The following ABHD17B variants were observed in gnomAD, a reference collection of about 807,000 sequenced individuals.
The protein encoded by ABHD17B is alpha/beta hydrolase domain-containing protein 17B.
A neutral mutation model predicts 26.2 loss-of-function variants in ABHD17B; 9 were observed. The observed-to-expected ratio is 0.34, with a 90% confidence interval of 0.21 to 0.60. ABHD17B has a LOEUF of 0.60. ABHD17B is among the 20% of genes least tolerant of loss of function. The probability of loss-of-function intolerance (pLI) is 0.80; values close to 1 mark genes in which losing one functional copy is unlikely to be tolerated. For missense variants in ABHD17B, 224 were observed against 352.1 expected, an observed-to-expected ratio of 0.64 and a Z score of 2.91; for synonymous variants, 127 against 122.3, an observed-to-expected ratio of 1.04 and a Z score of -0.25.
intron 1 of ABHD17B, among the ~76,000 whole-genome samples, chr9:71,886,515 T>C (rs1426159120): frequency 6.6e-6 from 1 of 152,094 alleles, no homozygotes; most frequent in Non-Finnish European, 1.5e-5. Context: ...TTCTATCTTA[T>C]CTGGGCATGC....
In ABHD17B at chr9:71,866,637, C is replaced by A. The variant is rs956815248; in HGVS notation, c.*150G>T. On this transcript the variant is annotated 3_prime_UTR_variant, in exon 4 of 4. Transcript: ENST00000333421. ...CAGTTTTTAGTTCTGGTAATTAAAA[C>A]CTTCATTAAGTCTGTTAACAAATCA... 1.4e-5 allele frequency: 20 copies of A among 1,441,174 alleles called. No homozygotes were observed. The highest frequency in any genetic ancestry group is 2.5e-4 in the Middle Eastern group (1 of 4,024). 89.3% of individuals were successfully genotyped at this position (1,441,174 alleles called of 1,614,324 possible).
At chr9:71,907,574 C>T (rs1827322890) in intron 1 of ABHD17B, among the ~76,000 whole-genome samples, 1 of 152,082 alleles carries the variant, frequency 6.6e-6, no homozygotes, top group Non-Finnish European at 1.5e-5. Flanking sequence ...TGCAATGGTG[C>T]TATCTTGGCT....
At chr9:71,890,307 C>T (rs1421238302) in intron 1 of ABHD17B, among the ~76,000 whole-genome samples, 4 of 151,738 alleles carry the variant, frequency 2.6e-5, no homozygotes, top group East Asian at 1.9e-4. Context: ...CACACACACA[C>T]GAAAGACTGA....
intron 1 of ABHD17B, among the ~76,000 whole-genome samples, chr9:71,877,472 C>T (rs758662349): frequency 2.0e-5 from 3 of 152,218 alleles, no homozygotes; most frequent in Non-Finnish European, 4.4e-5. Flanking sequence ...GGCTGGAGTG[C>T]AGTGGTGCGA....
At chr9:71,905,234 T>C (rs1355714966) in intron 1 of ABHD17B, among the ~76,000 whole-genome samples, 1 of 151,964 alleles carries the variant, frequency 6.6e-6, no homozygotes, top group Non-Finnish European at 1.5e-5. Context: ...GCGATTCTCC[T>C]GTCTCAGCCT....
intron 1 of ABHD17B, among the ~76,000 whole-genome samples, chr9:71,888,914 ATAC>A (rs1334732934): frequency 6.6e-6 from 1 of 152,114 alleles, no homozygotes; most frequent in Non-Finnish European, 1.5e-5. Context: ...AACGGTGATA[ATAC>A]TACTACTGTA....
chr9:71,889,199 C>T (rs753464584), intron 1 of ABHD17B, among the ~76,000 whole-genome samples: 3 of 151,698 alleles, frequency 2.0e-5, no homozygotes, highest in Non-Finnish European at 4.4e-5. Flanking sequence ...CGCCTGTAAT[C>T]ATAGCTACTC....
intron 2 of ABHD17B, among the ~76,000 whole-genome samples, chr9:71,871,508 A>G (rs955221989): frequency 6.6e-6 from 1 of 152,224 alleles, no homozygotes; most frequent in Admixed American, 6.5e-5. Flanking sequence ...GAACATTTGC[A>G]GCATGACCAC....
Position 71,866,142 on chromosome 9 carries a change from C to A in ABHD17B, c.*645G>T. 1 of 985,012 alleles carries A rather than the reference C, an allele frequency of 1.0e-6. No individual in the cohort carries two copies. Among genetic ancestry groups the A allele is most frequent in the Non-Finnish European group, 1.2e-6 (1 of 829,194 alleles). 61.0% of individuals were successfully genotyped at this position (985,012 alleles called of 1,614,324 possible). On this transcript the variant is annotated 3_prime_UTR_variant, in exon 4 of 4. Transcript: ENST00000333421. The stretch of plus-strand genomic sequence containing the variant: ...AAAATTCAGTGCTATCATGACTTCT[C>A]ATTTACAAGGTAACTCATTGGTAAA...
Position 71,866,573 on chromosome 9 carries a change from T to TACACAGA in ABHD17B, c.*213_*214insTCTGTGT. The TACACAGA allele has an allele frequency of 7.4e-7, 1 of 1,352,488 alleles. No homozygotes were observed. The highest frequency in any genetic ancestry group is 2.8e-5 in the East Asian group (1 of 36,206). The allele number at this position is 1,352,488 out of a possible 1,614,324, so 83.8% of individuals were successfully genotyped here. A position where few individuals can be genotyped will look rare whatever the true frequency, so the allele number is the denominator to read the frequency against. On this transcript the variant is annotated 3_prime_UTR_variant, in exon 4 of 4. Coordinates refer to ENST00000333421, the MANE Select transcript of ABHD17B (RefSeq NM_001025780.3). ...GTTAAAAAAAAATTCACAGAAAAAA[T>TACACAGA]ATAAATTACACAGCCTGACTGCACG...
At chr9:71,890,377 G>A (rs1826746871) in intron 1 of ABHD17B, among the ~76,000 whole-genome samples, 1 of 152,088 alleles carries the variant, frequency 6.6e-6, no homozygotes, top group Non-Finnish European at 1.5e-5. Flanking sequence ...GTTTGTATTA[G>A]TTATAACTTT....
intron 1 of ABHD17B, among the ~76,000 whole-genome samples, chr9:71,878,159 A>C (rs1364279914): frequency 1.3e-5 from 2 of 152,186 alleles, no homozygotes; most frequent in African/African-American, 4.8e-5. Context: ...AAATCACTGA[A>C]ATAGCTTGTT....
chr9:71,879,527 A>G (rs1397472005), intron 1 of ABHD17B, among the ~76,000 whole-genome samples: 1 of 152,224 alleles, frequency 6.6e-6, no homozygotes, highest in Non-Finnish European at 1.5e-5. Context: ...GGGCACATCT[A>G]AAGGAGTTAC....
chr9:71,899,278 G>A (rs1827061881), intron 1 of ABHD17B, among the ~76,000 whole-genome samples: 1 of 152,226 alleles, frequency 6.6e-6, no homozygotes, highest in African/African-American at 2.4e-5. Flanking sequence ...TAATGCAACT[G>A]GGGAAGAGTG....
chr9:71,883,438 G>A (rs545747185), intron 1 of ABHD17B, among the ~76,000 whole-genome samples: 1 of 152,288 alleles, frequency 6.6e-6, no homozygotes, highest in East Asian at 1.9e-4. Context: ...GTTTCTCAAA[G>A]CAGTAGGAAA....
rs148857185 is a variant in ABHD17B, at chr9:71,874,933, G to A, written c.148C>T (p.Leu50=). 110 of 1,614,088 alleles carry A rather than the reference G, an allele frequency of 6.8e-5. No individual in the cohort carries two copies. The highest frequency in any genetic ancestry group is 8.9e-5 in the Non-Finnish European group (105 of 1,180,028). ...TACTGCCAGTCTGCTCGTTCAGACA[G>A]ATGTAAAGTCCAACGGCTTCCGCTT... ...DESGSRWTLH[L]SERADWQYSS... is the part of the protein sequence containing the mutation. The change falls in exon 2 of 4, where the codon CTG becomes TTG. Residue 50 remains leucine (L), a synonymous_variant. Coordinates refer to ENST00000333421, the MANE Select transcript of ABHD17B (RefSeq NM_001025780.3).
chr9:71,885,243 G>A (rs1466445817), intron 1 of ABHD17B, among the ~76,000 whole-genome samples: 4 of 151,846 alleles, frequency 2.6e-5, no homozygotes, highest in Non-Finnish European at 4.4e-5. Context: ...TCAGGAGTTC[G>A]AGACCAGCCT....
intron 1 of ABHD17B, among the ~76,000 whole-genome samples, chr9:71,894,634 G>A (rs1028008825): frequency 6.6e-6 from 1 of 152,168 alleles, no homozygotes; most frequent in Admixed American, 6.5e-5. Context: ...AAAGGGCCCA[G>A]AAAGTCTTAT....
downstream of ABHD17B, chr9:71,862,513 T>C: frequency 1.3e-6 from 2 of 1,539,156 alleles, no homozygotes; most frequent in South Asian, 2.4e-5. Context: ...TTAATCCAGT[T>C]AAGTTTGGTA....
Sources: gnomAD v4.1 joint callset for allele counts (sites outside exome capture counted in the v4.1 genomes callset) on GRCh38, gnomAD v4.1.1 for gene constraint, MANE v1.5 for transcripts, NCBI Gene and HGNC (gene_info 2026-07-23, HGNC 2026-07-21) for gene names.